The following SEC24B variants were observed in gnomAD, a reference collection of about 807,000 sequenced individuals.
SEC24B encodes protein transport protein Sec24B.
In SEC24B, 45 loss-of-function variants were observed where a neutral mutation model predicts 142.8. The ratio of observed to expected loss-of-function variants is 0.32; its 90% confidence interval spans 0.25 to 0.40. The LOEUF (loss-of-function observed/expected upper bound fraction) is 0.40, where lower values mean the gene tolerates loss of function less well. Among genes scored for constraint, SEC24B ranks in the 10% least tolerant of loss-of-function variants. SEC24B has a pLI of 1.00. For missense variants in SEC24B, 1,409 were observed against 1,526.8 expected, an observed-to-expected ratio of 0.92 and a Z score of 1.29; for synonymous variants, 574 against 568.2, an observed-to-expected ratio of 1.01 and a Z score of -0.15.
At chr4:109,516,457 T>C (rs1722927141) in intron 10 of SEC24B, 71 bp from the exon 11 acceptor site, 2 of 835,992 alleles carry the variant, frequency 2.4e-6, no homozygotes, top group East Asian at 5.4e-5. Context: ...AAATATCCAG[T>C]AGCAATAGTA....
chr4:109,527,384 T>C lies in SEC24B; in HGVS notation c.3028T>C (p.Tyr1010His), dbSNP rs1173565656. 20 of 1,613,730 alleles carry C rather than the reference T, an allele frequency of 1.2e-5. No individual in the cohort carries two copies. Among genetic ancestry groups the C allele is most frequent in the Non-Finnish European group, 1.7e-5 (20 of 1,179,722 alleles). ...AGTGGTAAGTTCACTAGCAGATGTATATGCGGGAGTGGATGTACAAGCTGC... is the reference window on the plus strand; with the variant it reads ...AGTGGTAAGTTCACTAGCAGATGTACATGCGGGAGTGGATGTACAAGCTGC... ...LPVVSSLADV[Y>H]AGVDVQAAIC... Residue 1010 changes from tyrosine to histidine, a missense_variant, in exon 18 of 24, where the codon TAT (tyrosine) becomes CAT (histidine). Physicochemically the swap from Tyr to His is moderately conservative, Grantham distance 83. This residue lies in a region of SEC24B where 700 missense variants were observed against 853.3 expected (regional missense o/e 0.82). Coordinates refer to ENST00000265175, the MANE Select transcript of SEC24B (RefSeq NM_006323.5).
intron 1 of SEC24B, among the ~76,000 whole-genome samples, chr4:109,452,771 G>A (rs974316960): frequency 1.3e-5 from 2 of 152,146 alleles, no homozygotes; most frequent in African/African-American, 4.8e-5. Context: ...AGTTCTTAGT[G>A]TATTCTGGAT....
intron 2 of SEC24B, among the ~76,000 whole-genome samples, chr4:109,464,268 A>T (rs947834498): frequency 1.3e-5 from 2 of 151,888 alleles, no homozygotes; most frequent in Non-Finnish European, 2.9e-5. Flanking sequence ...TCATTTAAAA[A>T]TTATGTATGT....
chr4:109,536,809 G>A lies in SEC24B; in HGVS notation c.3589-1684G>A, dbSNP rs550322621. Among the ~76,000 whole-genome samples the A allele has an allele frequency of 1.8e-3, 271 of 151,878 alleles. 1 individual carries two copies. The highest frequency in any genetic ancestry group is 5.9e-3 in the African/African-American group (246 of 41,446). On this transcript the variant is annotated intron_variant, in intron 22 of 23. Transcript: ENST00000265175. ...CTCCCAAAGTGCTGGGATTACAGGC[G>A]TGAGCCACTGCGCCTGGCCAAATTT...
At chr4:109,435,687 C>T (rs769403469) in intron 1 of SEC24B, among the ~76,000 whole-genome samples, 1 of 152,190 alleles carries the variant, frequency 6.6e-6, no homozygotes, top group Non-Finnish European at 1.5e-5. Context: ...ATAGATGATG[C>T]TTGAGTTCTC....
chr4:109,527,626 G>C lies in SEC24B; in HGVS notation c.3076+194G>C, dbSNP rs79523327. Reference sequence around the variant, plus strand: ...TCTCTACTAAAAATACGAAAAAATAGCCGAGCGTGGTGGCAGGCGCCTGTA... The same window carrying C: ...TCTCTACTAAAAATACGAAAAAATACCCGAGCGTGGTGGCAGGCGCCTGTA... On this transcript the variant is annotated intron_variant, in intron 18 of 23. Coordinates refer to ENST00000265175, the MANE Select transcript of SEC24B (RefSeq NM_006323.5). Among the ~76,000 whole-genome samples the C allele has an allele frequency of 9.1e-4, 138 of 151,970 alleles. 2 individuals carry two copies. Among genetic ancestry groups the C allele is most frequent in the African/African-American group, 3.1e-3 (128 of 41,474 alleles).
At chr4:109,454,222 A>G (rs1344410115) in intron 1 of SEC24B, among the ~76,000 whole-genome samples, 3 of 151,980 alleles carry the variant, frequency 2.0e-5, no homozygotes, top group African/African-American at 7.3e-5. Context: ...TTTGAGTATC[A>G]TAGGTAATGT....
chr4:109,523,090 C>T (rs1019961220), intron 14 of SEC24B, among the ~76,000 whole-genome samples: 2 of 152,030 alleles, frequency 1.3e-5, no homozygotes, highest in African/African-American at 4.8e-5. Flanking sequence ...GTTACCTTAG[C>T]TACTCAAGAG....
At chr4:109,453,887 C>T (rs1351044455) in intron 1 of SEC24B, among the ~76,000 whole-genome samples, 2 of 152,160 alleles carry the variant, frequency 1.3e-5, no homozygotes, top group African/African-American at 2.4e-5. Flanking sequence ...GACGGAGTTT[C>T]GCTCTTGTCC....
chr4:109,524,991 C>T (rs1448925589), intron 15 of SEC24B, 50 bp downstream of exon 15: 3 of 1,501,024 alleles, frequency 2.0e-6, no homozygotes, highest in Non-Finnish European at 1.8e-6. Flanking sequence ...ATTTTTAATG[C>T]ATAATTAAAT....
chr4:109,509,771 G>A (rs1257350623), intron 7 of SEC24B, among the ~76,000 whole-genome samples: 2 of 151,280 alleles, frequency 1.3e-5, no homozygotes, highest in Non-Finnish European at 2.9e-5. Context: ...TAATGGAGTA[G>A]TTGGTCTTCC....
At position 109,530,295 on chromosome 4, in the gene SEC24B, A is replaced by G; in HGVS notation, c.3083A>G (p.Asp1028Gly). Residue 1028 changes from aspartate to glycine, a missense_variant, in exon 19 of 24, where the codon GAT (aspartate) becomes GGT (glycine). By Grantham distance (94) the Asp-to-Gly change is moderately conservative. This residue lies in a region of SEC24B where 700 missense variants were observed against 853.3 expected (regional missense o/e 0.82). Coordinates refer to ENST00000265175, the MANE Select transcript of SEC24B (RefSeq NM_006323.5). ...AICLLANMAVDRSVSSSLSDA... is the reference protein window; with the variant it reads ...AICLLANMAVGRSVSSSLSDA... The stretch of plus-strand genomic sequence containing the variant: ...CACTTTGGTTGCTTTTTAGCTGTGG[A>G]TCGGTCCGTTTCATCAAGTCTGTCA... 6.2e-7 allele frequency: 1 copy of G among 1,611,972 alleles called. No individual in the cohort carries two copies. The highest frequency in any genetic ancestry group is 8.5e-7 in the Non-Finnish European group (1 of 1,178,722).
At chr4:109,507,714 C>T (rs1217978343) in intron 7 of SEC24B, among the ~76,000 whole-genome samples, 2 of 151,386 alleles carry the variant, frequency 1.3e-5, no homozygotes, top group Non-Finnish European at 2.9e-5. Flanking sequence ...AACGCCATCT[C>T]GGCTCACCGC....
chr4:109,445,238 C>CTTT (rs1729325176), intron 1 of SEC24B, among the ~76,000 whole-genome samples: 1 of 129,348 alleles, frequency 7.7e-6, no homozygotes, highest in African/African-American at 3.3e-5. Flanking sequence ...TTCTTTCTTT[C>CTTT]TTTGTTTTTT....
intron 2 of SEC24B, among the ~76,000 whole-genome samples, chr4:109,464,522 A>G (rs994158896): frequency 1.3e-5 from 2 of 152,136 alleles, no homozygotes; most frequent in South Asian, 2.1e-4. Flanking sequence ...GCCTGGCCCA[A>G]TGTGGCTTTT....
chr4:109,483,003 C>CATATAT (rs1554001151), intron 4 of SEC24B, among the ~76,000 whole-genome samples: 1 of 84,110 alleles, frequency 1.2e-5, no homozygotes, highest in African/African-American at 8.2e-5. Context: ...CACACACACA[C>CATATAT]ATATTATACA....
At chr4:109,455,896 C>T (rs1047480107) in intron 1 of SEC24B, among the ~76,000 whole-genome samples, 17 of 151,796 alleles carry the variant, frequency 1.1e-4, no homozygotes, top group Non-Finnish European at 2.1e-4. Context: ...TTTTAGAATC[C>T]GCTTGTTGAT....
At chr4:109,439,146 TTTAA>T (rs1366343607) in intron 1 of SEC24B, among the ~76,000 whole-genome samples, 4 of 152,212 alleles carry the variant, frequency 2.6e-5, no homozygotes, top group Non-Finnish European at 5.9e-5. Flanking sequence ...GTTTTATCAC[TTTAA>T]TTGTTAATAA....
intron 1 of SEC24B, among the ~76,000 whole-genome samples, chr4:109,452,730 G>A (rs1363132383): frequency 6.6e-6 from 1 of 152,016 alleles, no homozygotes; most frequent in Non-Finnish European, 1.5e-5. Context: ...ATTTTTGGTT[G>A]GGTTGTCTAT....
Sources: gnomAD v4.1 joint callset for allele counts (sites outside exome capture counted in the v4.1 genomes callset) on GRCh38, gnomAD v4.1.1 for gene constraint, gnomAD v4.1.1 regional missense constraint, MANE v1.5 for transcripts, NCBI Gene and HGNC (gene_info 2026-07-23, HGNC 2026-07-21) for gene names.